PDE4B: variants seen among roughly 807,000 people sequenced by gnomAD.
PDE4B encodes 3',5'-cyclic-AMP phosphodiesterase 4B.
PDE4B carries 20 observed loss-of-function variants against 82.2 expected under a neutral mutation model. That is an observed-to-expected ratio of 0.24 (90% CI 0.17 to 0.35). The LOEUF is 0.35. Among genes scored for constraint, PDE4B ranks in the 10% least tolerant of loss-of-function variants. The pLI, the probability that PDE4B is intolerant of heterozygous loss-of-function variation, is 1.00. For synonymous variants in PDE4B, 320 were observed against 318.9 expected, an observed-to-expected ratio of 1.00 and a Z score of -0.04; for missense variants, 655 against 907.2, an observed-to-expected ratio of 0.72 and a Z score of 3.57.
At chr1:66,308,973 T>G (rs1658480521) in intron 7 of PDE4B, among the ~76,000 whole-genome samples, 2 of 152,130 alleles carry the variant, frequency 1.3e-5, no homozygotes. Context: ...GGTTCAAAAT[T>G]TAGTGCAATT....
At chr1:66,296,519 C>G (rs1657525010) in intron 7 of PDE4B, among the ~76,000 whole-genome samples, 1 of 152,282 alleles carries the variant, frequency 6.6e-6, no homozygotes, top group East Asian at 1.9e-4. Context: ...TCTGGCTCAT[C>G]AGTTACTAGC....
intron 3 of PDE4B, among the ~76,000 whole-genome samples, chr1:66,202,003 T>C (rs1225106867): frequency 6.6e-6 from 1 of 152,240 alleles, no homozygotes; most frequent in Non-Finnish European, 1.5e-5. Flanking sequence ...AATTTCCCTC[T>C]ACACACTGCT....
At chr1:66,094,788 A>G (rs1645084413) in intron 3 of PDE4B, among the ~76,000 whole-genome samples, 1 of 152,024 alleles carries the variant, frequency 6.6e-6, no homozygotes, top group Admixed American at 6.6e-5. Flanking sequence ...GGCATTCTAA[A>G]TGCTTGACTC....
At chr1:65,968,540 G>T (rs199734277) in intron 3 of PDE4B, among the ~76,000 whole-genome samples, 2 of 151,936 alleles carry the variant, frequency 1.3e-5, no homozygotes, top group East Asian at 3.9e-4. Flanking sequence ...GATCTTAGAG[G>T]AATGGGAAGT....
In PDE4B at chr1:66,100,142, C is replaced by G. The variant is rs111282867; in HGVS notation, c.282-147318C>G. ...GATCTCGGCTCACTGCAGTCTCCCC[C>G]TCCTGAGTTCAAGCAATTCTCCTTC... On this transcript the variant is annotated intron_variant, in intron 3 of 16. Transcript: ENST00000341517. Among the ~76,000 whole-genome samples, 10 of 151,694 alleles carry G rather than the reference C, an allele frequency of 6.6e-5. No homozygotes were observed. In the South Asian group the frequency reaches 1.3e-3, roughly 19 times the overall value.
chr1:65,900,794 G>A (rs1019924994), intron 1 of PDE4B, among the ~76,000 whole-genome samples: 1 of 151,968 alleles, frequency 6.6e-6, no homozygotes, highest in South Asian at 2.1e-4. Context: ...ACTAATTTTT[G>A]TACACTGATC....
intron 3 of PDE4B, among the ~76,000 whole-genome samples, chr1:66,133,038 G>A (rs914603799): frequency 2.6e-5 from 4 of 152,126 alleles, no homozygotes; most frequent in Non-Finnish European, 5.9e-5. Flanking sequence ...TGCTTTGAGG[G>A]CATGCATCAA....
Position 66,373,969 on chromosome 1 carries a change from T to G in PDE4B, c.*1291T>G, listed in dbSNP as rs2050877190. 1 of 152,668 alleles carries G rather than the reference T, an allele frequency of 6.6e-6. No individual in the cohort carries two copies. Among genetic ancestry groups the G allele is most frequent in the African/African-American group, 2.4e-5 (1 of 41,460 alleles). The allele number at this position is 152,668 out of a possible 1,614,324, so 9.5% of individuals were successfully genotyped here. ...ACATTAGATACTAAATGGTTTATAC[T>G]GAGCTTTTACTTTTGTATAGCTTGA... On this transcript the variant is annotated 3_prime_UTR_variant, in exon 17 of 17. Coordinates refer to ENST00000341517, the MANE Select transcript of PDE4B (RefSeq NM_002600.4).
intron 7 of PDE4B, among the ~76,000 whole-genome samples, chr1:66,304,425 GA>G (rs1240387323): frequency 6.6e-6 from 1 of 151,980 alleles, no homozygotes; most frequent in Non-Finnish European, 1.5e-5. Context: ...TTTCCTTCTG[GA>G]AATCTTTCCT....
chr1:66,352,599 T>C (rs2101994484), intron 8 of PDE4B, among the ~76,000 whole-genome samples: 1 of 152,338 alleles, frequency 6.6e-6, no homozygotes, highest in African/African-American at 2.4e-5. Context: ...AGTAAAGAAC[T>C]GGTCCTACCC....
At chr1:66,090,737 A>ACATATATACATATGTG (rs142862688) in intron 3 of PDE4B, among the ~76,000 whole-genome samples, 75,701 of 143,300 alleles carry the variant, frequency 0.53, 19,979 homozygotes, top group South Asian at 0.63. Flanking sequence ...ATGTATGTAT[A>ACATATATACATATGTG]TATACATATA....
At position 66,271,218 on chromosome 1, in the gene PDE4B, T is replaced by A. The variant is rs1236675939; in HGVS notation, c.634+5131T>A. ...AAATATAACACCCTGCTTATTATGGTTATTTCACTAGTTCAAAATTAATTT... is the reference window on the plus strand; with the variant it reads ...AAATATAACACCCTGCTTATTATGGATATTTCACTAGTTCAAAATTAATTT... On this transcript the variant is annotated intron_variant, in intron 7 of 16. Transcript: ENST00000341517. Among the ~76,000 whole-genome samples, 3 of 152,354 alleles carry A rather than the reference T, an allele frequency of 2.0e-5. No homozygotes were observed. In the East Asian group the frequency reaches 5.8e-4, roughly 29 times the overall value.
At chr1:66,308,323 A>G (rs1245612411) in intron 7 of PDE4B, among the ~76,000 whole-genome samples, 1 of 152,190 alleles carries the variant, frequency 6.6e-6, no homozygotes, top group East Asian at 1.9e-4. Context: ...TAGAGAGTTC[A>G]TGGATTTTTT....
intron 3 of PDE4B, among the ~76,000 whole-genome samples, chr1:66,000,811 G>A (rs1651824151): frequency 6.6e-6 from 1 of 152,164 alleles, no homozygotes; most frequent in South Asian, 2.1e-4. Flanking sequence ...TGGAAGTCAG[G>A]GGATGGAGGA....
Position 66,165,607 on chromosome 1 carries a change from A to T in PDE4B, c.282-81853A>T, listed in dbSNP as rs548778866. 2.1e-3 allele frequency among the ~76,000 whole-genome samples: 313 copies of T among 152,226 alleles called. 1 individual carries two copies. Among genetic ancestry groups the T allele is most frequent in the Admixed American group, 2.3e-3 (35 of 15,300 alleles). On this transcript the variant is annotated intron_variant, in intron 3 of 16. Coordinates refer to ENST00000341517, the MANE Select transcript of PDE4B (RefSeq NM_002600.4). ...TTGTAATTCTATATAATAGCAATGA[A>T]TAATTTGAAAATTAAAAAAATAATT... is the stretch of plus-strand genomic sequence containing the variant.
chr1:66,056,485 CATCT>C (rs1553138871), intron 3 of PDE4B, among the ~76,000 whole-genome samples: 1,819 of 143,572 alleles, frequency 0.013, 25 homozygotes, highest in African/African-American at 0.026. Flanking sequence ...ATCTATCTAT[CATCT>C]ATCTATCTAT....
chr1:65,963,135 G>A (rs1381911322), intron 3 of PDE4B, among the ~76,000 whole-genome samples: 1 of 152,086 alleles, frequency 6.6e-6, no homozygotes. Context: ...TACACCACTG[G>A]ATGCATACTG....
At chr1:66,014,800 GA>G (rs1387697998) in intron 3 of PDE4B, among the ~76,000 whole-genome samples, 1 of 152,148 alleles carries the variant, frequency 6.6e-6, no homozygotes, top group African/African-American at 2.4e-5. Flanking sequence ...CTAGTGAGTA[GA>G]GGTTACGAAT....
chr1:65,970,875 C>T (rs544542650), intron 3 of PDE4B, among the ~76,000 whole-genome samples: 7 of 151,876 alleles, frequency 4.6e-5, no homozygotes, highest in South Asian at 4.2e-4. Flanking sequence ...ATGAGGTGTG[C>T]GGTGCAGTAG....
Sources: gnomAD v4.1 joint callset for allele counts (sites outside exome capture counted in the v4.1 genomes callset) on GRCh38, gnomAD v4.1.1 for gene constraint, MANE v1.5 for transcripts, NCBI Gene and HGNC (gene_info 2026-07-23, HGNC 2026-07-21) for gene names.